Variants in KAT2B observed in about 807,000 individuals in gnomAD.
KAT2B encodes lysine acetyltransferase 2B, also known as histone acetyltransferase KAT2B.
In KAT2B, 36 loss-of-function variants were observed where a neutral mutation model predicts 105.9. The observed-to-expected ratio is 0.34, with a 90% CI of 0.26 to 0.45. The LOEUF is 0.45. Ranked by LOEUF, KAT2B falls within the 20% of genes least tolerant of loss-of-function variation. The pLI is 1.00. For missense variants in KAT2B, 820 were observed against 1,021.6 expected (o/e 0.80, Z 2.69); for synonymous variants, 397 against 377.9 (o/e 1.05, Z -0.59).
chr3:20,072,579 A>C, intron 2 of KAT2B, 120 bp downstream of exon 2: 1 of 895,312 alleles, frequency 1.1e-6, no homozygotes, highest in East Asian at 2.4e-5. Flanking sequence ...TGAGAGCAAC[A>C]ACAAGAGCCT....
At chr3:20,122,897 G>C in intron 9 of KAT2B, 93 bp downstream of exon 9, 1 of 1,486,004 alleles carries the variant, frequency 6.7e-7, no homozygotes. Flanking sequence ...AATGCTGAGA[G>C]TTAACATGTT....
At position 20,058,055 on chromosome 3, in the gene KAT2B, G is replaced by A. The variant is rs570412436; in HGVS notation, c.304-14278G>A. ...TTATACCTGGGTTGTTTTGTCTTGG[G>A]TCATTTCCTCATGATATGCTTTCCA... On this transcript the variant is annotated intron_variant, in intron 1 of 17. Coordinates refer to ENST00000263754, the MANE Select transcript of KAT2B (RefSeq NM_003884.5). Among the ~76,000 whole-genome samples, 39 of 152,196 alleles carry A rather than the reference G, an allele frequency of 2.6e-4. No homozygotes were observed. In the South Asian group the frequency reaches 7.7e-3, roughly 30 times the overall value.
At chr3:20,097,059 A>C (rs969322918) in intron 3 of KAT2B, among the ~76,000 whole-genome samples, 12 of 152,186 alleles carry the variant, frequency 7.9e-5, no homozygotes, top group African/African-American at 2.9e-4. Flanking sequence ...CATCCAGGTG[A>C]CAACTTGTTG....
chr3:20,148,624 C>A (rs369060702), intron 17 of KAT2B, 137 bp downstream of exon 17: 3 of 638,994 alleles, frequency 4.7e-6, no homozygotes, highest in African/African-American at 1.9e-5. Flanking sequence ...TTCCATGCAC[C>A]GTGGCGGGTC....
intron 11 of KAT2B, among the ~76,000 whole-genome samples, chr3:20,130,167 A>G (rs934299619): frequency 6.6e-6 from 1 of 152,182 alleles, no homozygotes; most frequent in Non-Finnish European, 1.5e-5. Context: ...AGCTGCTGCA[A>G]TGTATTTATT....
chr3:20,148,144 T>C, intron 15 of KAT2B, 99 bp from the exon 16 acceptor site: 2 of 1,362,892 alleles, frequency 1.5e-6, no homozygotes, highest in African/African-American at 2.9e-5. Flanking sequence ...CTGGAATGGT[T>C]CCAATTTCAG....
At chr3:20,104,873 T>C (rs1316533022) in intron 5 of KAT2B, among the ~76,000 whole-genome samples, 3 of 120,424 alleles carry the variant, frequency 2.5e-5, no homozygotes, top group African/African-American at 3.6e-5. Context: ...TAAGTATTCT[T>C]TTTTTGTTGT....
intron 13 of KAT2B, among the ~76,000 whole-genome samples, chr3:20,141,735 C>G (rs1384437699): frequency 6.7e-6 from 1 of 149,716 alleles, no homozygotes; most frequent in African/African-American, 2.5e-5. Flanking sequence ...TTTTCTTTTA[C>G]TTAAAGTGGC....
chr3:20,075,759 C>T (rs1489529960), intron 2 of KAT2B, among the ~76,000 whole-genome samples: 1 of 152,002 alleles, frequency 6.6e-6, no homozygotes, highest in Non-Finnish European at 1.5e-5. Context: ...CAGGCACCTC[C>T]ACATGTTCAG....
chr3:20,109,242 G>A (rs9844817), intron 5 of KAT2B, among the ~76,000 whole-genome samples: 96,638 of 151,860 alleles, frequency 0.64, 31,277 homozygotes, highest in African/African-American at 0.76. Context: ...TTAACTCTAT[G>A]GTTTCATTAC....
Position 20,101,844 on chromosome 3 carries a change from T to C in KAT2B, c.851+376T>C, listed in dbSNP as rs189867167. 8.2e-3 allele frequency among the ~76,000 whole-genome samples: 1,253 copies of C among 152,312 alleles called. 5 individuals carry two copies. The highest frequency in any genetic ancestry group is 0.014 in the Non-Finnish European group (949 of 68,026). On this transcript the variant is annotated intron_variant, in intron 5 of 17. Transcript: ENST00000263754. ...TGGATACATTGGATTAAATAAAATA[T>C]ATTGAAGTTAATTTTACCTGTTTTT...
At chr3:20,083,832 G>A (rs1323353311) in intron 2 of KAT2B, among the ~76,000 whole-genome samples, 2 of 152,114 alleles carry the variant, frequency 1.3e-5, no homozygotes, top group Admixed American at 6.5e-5. Flanking sequence ...CAGAAACAGG[G>A]CCAGCAAGAG....
chr3:20,088,900 T>C (rs958995839), intron 2 of KAT2B, among the ~76,000 whole-genome samples: 2 of 152,334 alleles, frequency 1.3e-5, no homozygotes, highest in South Asian at 4.1e-4. Context: ...TTAGTCCATT[T>C]TGAATAGGTT....
intron 1 of KAT2B, among the ~76,000 whole-genome samples, chr3:20,044,607 G>C (rs966347021): frequency 1.3e-5 from 2 of 151,984 alleles, no homozygotes; most frequent in Non-Finnish European, 2.9e-5. Context: ...GGTGGGGTGA[G>C]GGGCTTTGCA....
intron 7 of KAT2B, among the ~76,000 whole-genome samples, chr3:20,116,858 A>G (rs547764659): frequency 6.6e-6 from 1 of 152,298 alleles, no homozygotes; most frequent in South Asian, 2.1e-4. Context: ...CTTGTAAGTG[A>G]TGGAATTGGG....
chr3:20,052,739 G>A (rs1404464573), intron 1 of KAT2B, among the ~76,000 whole-genome samples: 1 of 152,032 alleles, frequency 6.6e-6, no homozygotes, highest in Non-Finnish European at 1.5e-5. Context: ...AGGCTGAGGT[G>A]GTCACATCAC....
rs565472923 is a variant in KAT2B, at chr3:20,079,180, C to T, written c.430+6721C>T. On this transcript the variant is annotated intron_variant, in intron 2 of 17. Coordinates refer to ENST00000263754, the MANE Select transcript of KAT2B (RefSeq NM_003884.5). Reference sequence around the variant, plus strand: ...CCTCTCAAAGTGCTGGGATTACAGGCATGAGCCACCACACCTGGCCTCTTT... The same window carrying T: ...CCTCTCAAAGTGCTGGGATTACAGGTATGAGCCACCACACCTGGCCTCTTT... 1.4e-4 allele frequency among the ~76,000 whole-genome samples: 21 copies of T among 148,438 alleles called. No individual in the cohort carries two copies. The South Asian group carries it at 3.4e-3, about 24-fold the overall frequency.
chr3:20,105,119 C>T (rs925007116), intron 5 of KAT2B, among the ~76,000 whole-genome samples: 2 of 152,130 alleles, frequency 1.3e-5, no homozygotes, highest in African/African-American at 4.8e-5. Context: ...CTCCTGACCT[C>T]AGGTGATCTG....
At chr3:20,132,894 ATC>A (rs1381422813) in intron 11 of KAT2B, among the ~76,000 whole-genome samples, 1 of 152,188 alleles carries the variant, frequency 6.6e-6, no homozygotes, top group Non-Finnish European at 1.5e-5. Flanking sequence ...GCATACAACA[ATC>A]TCTCTTGCAT....
Sources: allele counts gnomAD v4.1 joint callset (sites outside exome capture counted in the v4.1 genomes callset), GRCh38; gene constraint gnomAD v4.1.1; transcripts MANE v1.5; gene names NCBI Gene and HGNC (gene_info 2026-07-23, HGNC 2026-07-21).